OPA1: variants seen among roughly 807,000 people sequenced by gnomAD.
OPA1 encodes dynamin-like GTPase OPA1, mitochondrial.
OPA1 carries 59 observed loss-of-function variants against 152.9 expected under a neutral mutation model. That is an observed-to-expected ratio of 0.39 (90% confidence interval 0.31 to 0.48). The LOEUF (loss-of-function observed/expected upper bound fraction) is 0.48. OPA1 is among the 20% of genes least tolerant of loss of function. The pLI is 0.96. For missense variants in OPA1, 1,008 were observed against 1,216.8 expected (o/e 0.83, Z 2.55); for synonymous variants, 400 against 389.9 (o/e 1.03, Z -0.31).
chr3:193,651,020 C>T (rs1053388598), intron 21 of OPA1, among the ~76,000 whole-genome samples: 7 of 151,852 alleles, frequency 4.6e-5, no homozygotes. Context: ...ATGGTAAGGG[C>T]CACGAGATGA....
intron 1 of OPA1, among the ~76,000 whole-genome samples, chr3:193,593,843 C>T (rs537156290): frequency 8.5e-5 from 13 of 152,206 alleles, no homozygotes; most frequent in Non-Finnish European, 1.2e-4. Context: ...TCCATTTCCA[C>T]GCCATGTGTA....
At chr3:193,623,105 G>A (rs182326278) in intron 6 of OPA1, among the ~76,000 whole-genome samples, 6 of 145,148 alleles carry the variant, frequency 4.1e-5, no homozygotes, top group East Asian at 3.9e-4. Context: ...TGGCAGATTC[G>A]ATGTCTTTTG....
chr3:193,691,278 A>C (rs1389874511), intron 29 of OPA1: 5 of 152,200 alleles, frequency 3.3e-5, no homozygotes, highest in African/African-American at 1.2e-4. Flanking sequence ...TGACTTTTCC[A>C]ATTTTAAGAG....
At chr3:193,613,078 A>T (rs1728502704) in intron 1 of OPA1, among the ~76,000 whole-genome samples, 1 of 152,250 alleles carries the variant, frequency 6.6e-6, no homozygotes, top group Non-Finnish European at 1.5e-5. Context: ...AAAACTTCAG[A>T]CAAGTTAAAT....
chr3:193,645,870 T>G, intron 18 of OPA1, 70 bp downstream of exon 18: 1 of 1,201,284 alleles, frequency 8.3e-7, no homozygotes, highest in Non-Finnish European at 1.2e-6. Context: ...TGTTTTCACT[T>G]AAAACATCAG....
At position 193,662,716 on chromosome 3, in the gene OPA1, G is replaced by C; in HGVS notation, c.2521-106G>C. ...TTTCTTGTTTGTTGTGATTAAGCTT[G>C]TGTTATCTTTTATGCAATAGTAATG... is the stretch of plus-strand genomic sequence containing the variant. On this transcript the variant is annotated intron_variant, in intron 25 of 30. Coordinates refer to ENST00000361510, the MANE Select transcript of OPA1 (RefSeq NM_130837.3). 3 of 895,866 alleles carry C rather than the reference G, an allele frequency of 3.3e-6. No individual in the cohort carries two copies. The South Asian group carries it at 4.7e-5, about 14-fold the overall frequency. 55.5% of individuals were successfully genotyped at this position (895,866 alleles called of 1,614,324 possible).
At chr3:193,593,480 C>G in intron 1 of OPA1, 71 bp downstream of exon 1, 1 of 1,398,114 alleles carries the variant, frequency 7.2e-7, no homozygotes, top group South Asian at 1.5e-5. Context: ...TTATCTCTAT[C>G]TCCAAAAATG....
chr3:193,643,236 G>C (rs924784759), intron 13 of OPA1, 137 bp from the exon 14 acceptor site: 3 of 865,458 alleles, frequency 3.5e-6, no homozygotes, highest in Non-Finnish European at 5.6e-6. Context: ...TAGGATCAGA[G>C]AAAGAATACC....
At chr3:193,661,680 C>G (rs1255432550) in intron 25 of OPA1, among the ~76,000 whole-genome samples, 1 of 152,120 alleles carries the variant, frequency 6.6e-6, no homozygotes, top group African/African-American at 2.4e-5. Context: ...TTGTTTAAGC[C>G]AAACTAATGG....
At chr3:193,596,096 G>A (rs1029694329) in intron 1 of OPA1, among the ~76,000 whole-genome samples, 1 of 150,744 alleles carries the variant, frequency 6.6e-6, no homozygotes, top group African/African-American at 2.4e-5. Context: ...AGATCCTTTT[G>A]TTCATCCCAC....
At chr3:193,693,947 A>G (rs1722004472) in intron 30 of OPA1, among the ~76,000 whole-genome samples, 3 of 152,138 alleles carry the variant, frequency 2.0e-5, no homozygotes, top group Admixed American at 2.0e-4. Context: ...GGAAAAATTG[A>G]TGAAAGCCCC....
chr3:193,681,895 A>G (rs1720198677), intron 29 of OPA1, among the ~76,000 whole-genome samples: 1 of 152,124 alleles, frequency 6.6e-6, no homozygotes, highest in South Asian at 2.1e-4. Context: ...TCCCTATTCC[A>G]TAGGACACAA....
chr3:193,668,869 A>T, intron 29 of OPA1: 1 of 1,058,602 alleles, frequency 9.4e-7, no homozygotes, highest in Non-Finnish European at 1.1e-6. Flanking sequence ...GATCTTTGAG[A>T]ACTCAAGGAA....
intron 1 of OPA1, among the ~76,000 whole-genome samples, chr3:193,595,813 T>C (rs1363362310): frequency 6.6e-6 from 1 of 152,144 alleles, no homozygotes; most frequent in East Asian, 1.9e-4. Flanking sequence ...TTTCCTGTCC[T>C]TTTTCTTTCT....
intron 29 of OPA1, 177 bp from the exon 30 acceptor site, chr3:193,691,886 T>G: frequency 1.8e-6 from 1 of 543,240 alleles, no homozygotes; most frequent in Non-Finnish European, 3.4e-6. Context: ...AAAAAATGTC[T>G]GAGACCTACT....
At chr3:193,611,888 G>A (rs1728307479) in intron 1 of OPA1, among the ~76,000 whole-genome samples, 1 of 149,298 alleles carries the variant, frequency 6.7e-6, no homozygotes, top group African/African-American at 2.5e-5. Flanking sequence ...CCAATTTTTT[G>A]TGGAAAAATT....
chr3:193,598,082 AAAAT>A (rs1458799960), intron 1 of OPA1, among the ~76,000 whole-genome samples: 4 of 152,214 alleles, frequency 2.6e-5, no homozygotes, highest in Non-Finnish European at 2.9e-5. Flanking sequence ...CTTCGTCTCA[AAAAT>A]AAATAAATAC....
intron 6 of OPA1, among the ~76,000 whole-genome samples, chr3:193,622,574 CTT>C (rs1730335680): frequency 1.3e-5 from 2 of 152,074 alleles, no homozygotes; most frequent in East Asian, 1.9e-4. Flanking sequence ...TGAAGTATCT[CTT>C]TTCTTTTTTC....
chr3:193,600,702 A>G (rs1726329356), intron 1 of OPA1, among the ~76,000 whole-genome samples: 1 of 152,212 alleles, frequency 6.6e-6, no homozygotes, highest in South Asian at 2.1e-4. Flanking sequence ...GCTCGTTTTC[A>G]TTGTTACCTT....
Sources: gnomAD v4.1 joint callset for allele counts (sites outside exome capture counted in the v4.1 genomes callset) on GRCh38, gnomAD v4.1.1 for gene constraint, MANE v1.5 for transcripts, NCBI Gene and HGNC (gene_info 2026-07-23, HGNC 2026-07-21) for gene names.